Variants in HFM1 observed in about 807,000 individuals in gnomAD.
The protein encoded by HFM1 is probable ATP-dependent DNA helicase HFM1.
A neutral mutation model predicts 192.1 loss-of-function variants in HFM1; 169 were observed. That is an observed-to-expected ratio of 0.88 (90% CI 0.78 to 1.00). The LOEUF is 1.00. HFM1 is among the 50% of genes least tolerant of loss of function. The probability of loss-of-function intolerance (pLI) is 0.00; values close to 1 mark genes in which losing one functional copy is unlikely to be tolerated. For missense variants in HFM1, 1,661 were observed against 1,668.0 expected (o/e 1.00, Z 0.07); for synonymous variants, 525 against 537.8 (o/e 0.98, Z 0.33).
intron 2 of HFM1, 41 bp downstream of exon 2, chr1:91,400,970 TA>T: frequency 3.1e-6 from 3 of 957,416 alleles, no homozygotes; most frequent in Non-Finnish European, 4.7e-6. Flanking sequence ...CAAAAAACCC[TA>T]AAGTAATATA....
At chr1:91,352,375 A>G in intron 16 of HFM1, 131 bp downstream of exon 16, 2 of 596,018 alleles carry the variant, frequency 3.4e-6, no homozygotes, top group Admixed American at 7.3e-5. Context: ...TTATTCCTCC[A>G]CTAAAGGTAA....
At chr1:91,318,940 A>G in intron 25 of HFM1, 138 bp downstream of exon 25, 1 of 728,056 alleles carries the variant, frequency 1.4e-6, no homozygotes, top group Non-Finnish European at 2.1e-6. Flanking sequence ...CAGATTTTCG[A>G]AAGTACAGCA....
intron 30 of HFM1, among the ~76,000 whole-genome samples, chr1:91,307,264 A>AT (rs915114640): frequency 2.0e-5 from 3 of 151,836 alleles, no homozygotes; most frequent in African/African-American, 7.3e-5. Context: ...GCAAGCTTGT[A>AT]TTTTTTTGCT....
At chr1:91,319,946 C>A (rs1415017116) in intron 23 of HFM1, among the ~76,000 whole-genome samples, 1 of 152,188 alleles carries the variant, frequency 6.6e-6, no homozygotes, top group Admixed American at 6.5e-5. Context: ...TCAAAACCAG[C>A]AGCTGCTGGG....
At chr1:91,298,946 C>T (rs1570852205) in intron 30 of HFM1, among the ~76,000 whole-genome samples, 1 of 152,062 alleles carries the variant, frequency 6.6e-6, no homozygotes, top group Non-Finnish European at 1.5e-5. Flanking sequence ...CAATATTAAC[C>T]TTAACTGTAA....
At chr1:91,391,848 T>C (rs1663035756) in intron 4 of HFM1, among the ~76,000 whole-genome samples, 1 of 152,176 alleles carries the variant, frequency 6.6e-6, no homozygotes, top group African/African-American at 2.4e-5. Context: ...TCTACCCATA[T>C]GACAGAGGGC....
intron 30 of HFM1, among the ~76,000 whole-genome samples, chr1:91,298,841 A>G (rs1454669974): frequency 1.3e-5 from 2 of 152,248 alleles, no homozygotes; most frequent in African/African-American, 4.8e-5. Flanking sequence ...AACATGCCAA[A>G]TTGTAAAGAC....
At chr1:91,276,533 A>G (rs1487317391) in intron 32 of HFM1, 95 bp downstream of exon 32, 4 of 527,764 alleles carry the variant, frequency 7.6e-6, no homozygotes, top group East Asian at 3.3e-5. Flanking sequence ...AAGTAATTCT[A>G]TAGTACACTG....
At chr1:91,361,945 C>T (rs1321115141) in intron 13 of HFM1, among the ~76,000 whole-genome samples, 1 of 152,016 alleles carries the variant, frequency 6.6e-6, no homozygotes, top group African/African-American at 2.4e-5. Context: ...GAATGAAAGA[C>T]ATTATTATCC....
intron 13 of HFM1, among the ~76,000 whole-genome samples, chr1:91,367,068 C>T (rs927672731): frequency 6.6e-6 from 1 of 152,184 alleles, no homozygotes; most frequent in African/African-American, 2.4e-5. Flanking sequence ...GGAGGGGCAC[C>T]CGCCATTGCC....
At chr1:91,309,454 T>C (rs1650122539) in intron 30 of HFM1, among the ~76,000 whole-genome samples, 1 of 152,226 alleles carries the variant, frequency 6.6e-6, no homozygotes, top group South Asian at 2.1e-4. Context: ...AGTATATGTA[T>C]CCAGAGTGGC....
chr1:91,352,614 A>C lies in HFM1; in HGVS notation c.1869T>G (p.Pro623=), dbSNP rs746217438. ...TSTLAMGVNL[P]AHLVVIKSTM... is the part of the protein sequence containing the mutation. ...TAGATTTTATAACTACTAGGTGAGC[A>C]GGCAAATTTACTCCCATAGCTAAAG... The change falls in exon 16 of 39, where the codon CCT becomes CCG. Residue 623 remains proline (P), a synonymous_variant. Transcript: ENST00000370425. The C allele has an allele frequency of 6.2e-7, 1 of 1,609,030 alleles. No homozygotes were observed. The highest frequency in any genetic ancestry group is 2.2e-5 in the East Asian group (1 of 44,708).
intron 30 of HFM1, among the ~76,000 whole-genome samples, chr1:91,281,206 G>T (rs1667436128): frequency 1.3e-5 from 2 of 152,174 alleles, no homozygotes; most frequent in African/African-American, 4.8e-5. Flanking sequence ...ACAGAGAATA[G>T]ACTGATTTGA....
chr1:91,323,982 T>C (rs570381714), intron 21 of HFM1, among the ~76,000 whole-genome samples: 1 of 152,306 alleles, frequency 6.6e-6, no homozygotes, highest in Admixed American at 6.5e-5. Context: ...AATGAACGGC[T>C]TAAATTTGAG....
At chr1:91,382,235 C>T (rs2102023145) in intron 6 of HFM1, among the ~76,000 whole-genome samples, 1 of 152,284 alleles carries the variant, frequency 6.6e-6, no homozygotes, top group East Asian at 1.9e-4. Context: ...TTTAATTCTA[C>T]ACCCTGAGCC....
chr1:91,384,071 T>C (rs1362755941), intron 6 of HFM1, among the ~76,000 whole-genome samples: 4 of 152,230 alleles, frequency 2.6e-5, no homozygotes, highest in African/African-American at 9.7e-5. Flanking sequence ...TAATATTTCT[T>C]ATTACTTCTT....
At chr1:91,386,040 T>C (rs1401586158) in intron 4 of HFM1, among the ~76,000 whole-genome samples, 1 of 152,194 alleles carries the variant, frequency 6.6e-6, no homozygotes, top group Non-Finnish European at 1.5e-5. Context: ...GATAAATCCA[T>C]TTGTGGCAGT....
intron 13 of HFM1, among the ~76,000 whole-genome samples, chr1:91,354,239 A>T (rs946913938): frequency 1.1e-4 from 17 of 151,880 alleles, no homozygotes; most frequent in African/African-American, 4.1e-4. Context: ...AGCAGAAGAA[A>T]GAATCTGTGA....
chr1:91,276,355 A>G (rs904939812), intron 32 of HFM1, among the ~76,000 whole-genome samples: 7 of 152,164 alleles, frequency 4.6e-5, no homozygotes, highest in African/African-American at 1.7e-4. Flanking sequence ...TACAAATTCT[A>G]TGATTGGGAA....
Sources: gnomAD v4.1 joint callset for allele counts (sites outside exome capture counted in the v4.1 genomes callset) on GRCh38, gnomAD v4.1.1 for gene constraint, MANE v1.5 for transcripts, NCBI Gene and HGNC (gene_info 2026-07-23, HGNC 2026-07-21) for gene names.